ROBO1: variants seen among roughly 807,000 people sequenced by gnomAD.
ROBO1 encodes roundabout homolog 1.
A neutral mutation model predicts 195.9 loss-of-function variants in ROBO1; 149 were observed. That is an observed-to-expected ratio of 0.76 (90% CI 0.67 to 0.87). The LOEUF is 0.87. Among genes scored for constraint, ROBO1 ranks in the 40% least tolerant of loss-of-function variants. The probability of loss-of-function intolerance (pLI) is 0.00; values close to 1 mark genes in which losing one functional copy is unlikely to be tolerated. For synonymous variants in ROBO1, 816 were observed against 733.2 expected (o/e 1.11, Z -1.82); for missense variants, 1,933 against 2,068.3 (o/e 0.93, Z 1.27).
chr3:78,889,896 C>A (rs1292614175), intron 4 of ROBO1, among the ~76,000 whole-genome samples: 1 of 152,030 alleles, frequency 6.6e-6, no homozygotes, highest in African/African-American at 2.4e-5. Context: ...CTCGCCGTTG[C>A]TCTTCCATCT....
At chr3:78,810,935 A>T (rs2084718558) in intron 4 of ROBO1, among the ~76,000 whole-genome samples, 1 of 152,218 alleles carries the variant, frequency 6.6e-6, no homozygotes. Flanking sequence ...CAACCTGCTC[A>T]AGAAAAAGGA....
At chr3:79,290,284 G>T (rs2032165588) in intron 2 of ROBO1, among the ~76,000 whole-genome samples, 1 of 151,904 alleles carries the variant, frequency 6.6e-6, no homozygotes, top group African/African-American at 2.4e-5. Flanking sequence ...CACCCGCCTC[G>T]GCCTCCCAAA....
chr3:78,839,585 A>G (rs1351420281), intron 4 of ROBO1, among the ~76,000 whole-genome samples: 3 of 152,144 alleles, frequency 2.0e-5, no homozygotes, highest in Admixed American at 6.5e-5. Context: ...TCTAAAACAA[A>G]ATCGTTTAGA....
At chr3:78,836,649 G>A (rs1449065502) in intron 4 of ROBO1, among the ~76,000 whole-genome samples, 2 of 151,774 alleles carry the variant, frequency 1.3e-5, no homozygotes, top group East Asian at 1.9e-4. Flanking sequence ...AAAAGACACA[G>A]AACAACAACC....
At chr3:78,994,894 T>G (rs2077324120) in intron 3 of ROBO1, among the ~76,000 whole-genome samples, 1 of 152,062 alleles carries the variant, frequency 6.6e-6, no homozygotes, top group South Asian at 2.1e-4. Flanking sequence ...GGGAGGCCAT[T>G]AAAACGCTAG....
intron 2 of ROBO1, among the ~76,000 whole-genome samples, chr3:79,522,242 T>A (rs915958946): frequency 6.6e-6 from 1 of 152,160 alleles, no homozygotes; most frequent in Non-Finnish European, 1.5e-5. Context: ...CAAGACCCTT[T>A]GCTATCTGTT....
At chr3:78,678,687 C>T (rs956353772) in intron 10 of ROBO1, among the ~76,000 whole-genome samples, 2 of 152,256 alleles carry the variant, frequency 1.3e-5, no homozygotes, top group South Asian at 2.1e-4. Context: ...TAATCAATAG[C>T]TTACCAACCA....
At chr3:79,613,847 A>G (rs188267356) in intron 1 of ROBO1, among the ~76,000 whole-genome samples, 1 of 152,176 alleles carries the variant, frequency 6.6e-6, no homozygotes, top group East Asian at 1.9e-4. Flanking sequence ...TCATGAAAAC[A>G]CTAAATTGAT....
chr3:78,720,754 C>A (rs1576017373), intron 5 of ROBO1, among the ~76,000 whole-genome samples: 1 of 152,248 alleles, frequency 6.6e-6, no homozygotes, highest in East Asian at 1.9e-4. Context: ...CCATGGAATA[C>A]TATGCAGCCA....
chr3:79,248,628 T>C (rs1249782901), intron 2 of ROBO1, among the ~76,000 whole-genome samples: 1 of 152,112 alleles, frequency 6.6e-6, no homozygotes, highest in African/African-American at 2.4e-5. Context: ...GAAGATGTAA[T>C]AAGGATTGGG....
chr3:79,138,014 G>A (rs976421604), intron 2 of ROBO1, among the ~76,000 whole-genome samples: 4 of 152,008 alleles, frequency 2.6e-5, no homozygotes, highest in African/African-American at 9.7e-5. Flanking sequence ...CAGTTGTATT[G>A]AAGCAAGAAA....
chr3:79,393,727 C>A (rs532789033), intron 2 of ROBO1, among the ~76,000 whole-genome samples: 1 of 152,118 alleles, frequency 6.6e-6, no homozygotes, highest in African/African-American at 2.4e-5. Flanking sequence ...TCACTGCAGC[C>A]TTATTATAAA....
At chr3:79,741,559 C>A (rs905134523) in intron 1 of ROBO1, among the ~76,000 whole-genome samples, 1 of 152,164 alleles carries the variant, frequency 6.6e-6, no homozygotes, top group African/African-American at 2.4e-5. Flanking sequence ...GTAATATTAG[C>A]AGTTCTTACA....
chr3:78,725,639 G>A (rs1007933355), intron 5 of ROBO1, among the ~76,000 whole-genome samples: 5 of 152,008 alleles, frequency 3.3e-5, no homozygotes, highest in Non-Finnish European at 4.4e-5. Flanking sequence ...TGGTTAGCAT[G>A]GAAAAACTAG....
chr3:79,251,404 T>A (rs762194902), intron 2 of ROBO1, among the ~76,000 whole-genome samples: 3 of 152,158 alleles, frequency 2.0e-5, no homozygotes, highest in Non-Finnish European at 4.4e-5. Context: ...TTCAGGATAA[T>A]GGCTGTAAAA....
chr3:79,409,131 T>A (rs2037668575), intron 2 of ROBO1, among the ~76,000 whole-genome samples: 1 of 152,038 alleles, frequency 6.6e-6, no homozygotes, highest in Non-Finnish European at 1.5e-5. Flanking sequence ...ATGGAAAACA[T>A]GTTAGAAAAT....
intron 2 of ROBO1, among the ~76,000 whole-genome samples, chr3:79,508,269 GAA>G (rs149390046): frequency 0.069 from 10,427 of 152,052 alleles, 435 homozygotes; most frequent in East Asian, 0.16. Context: ...AAATCAAAAA[GAA>G]GAGGAGATTA....
chr3:78,865,554 C>T (rs1271777260), intron 4 of ROBO1, among the ~76,000 whole-genome samples: 1 of 150,618 alleles, frequency 6.6e-6, no homozygotes, highest in East Asian at 2.0e-4. Flanking sequence ...TCACTGCAAG[C>T]TCCGCCTCCC....
chr3:78,712,432 A>G (rs1398035776), intron 8 of ROBO1, among the ~76,000 whole-genome samples: 3 of 152,196 alleles, frequency 2.0e-5, no homozygotes, highest in East Asian at 1.9e-4. Flanking sequence ...CAGTCTCAAA[A>G]GACGAAAAAA....
Sources: allele counts gnomAD v4.1 joint callset (sites outside exome capture counted in the v4.1 genomes callset), GRCh38; gene constraint gnomAD v4.1.1; transcripts MANE v1.5; gene names NCBI Gene and HGNC (gene_info 2026-07-23, HGNC 2026-07-21).